Variants in SYCP2 observed in about 807,000 individuals in gnomAD.
The protein encoded by SYCP2 is synaptonemal complex lateral element protein.
SYCP2 carries 55 observed loss-of-function variants against 211.3 expected under a neutral mutation model. The observed-to-expected ratio is 0.26, with a 90% CI of 0.21 to 0.33. The LOEUF (loss-of-function observed/expected upper bound fraction) is 0.33, where lower values mean the gene tolerates loss of function less well. Among genes scored for constraint, SYCP2 ranks in the 10% least tolerant of loss-of-function variants. The pLI is 1.00. For synonymous variants in SYCP2, 570 were observed against 555.2 expected, an observed-to-expected ratio of 1.03 and a Z score of -0.37; for missense variants, 1,731 against 1,752.0, an observed-to-expected ratio of 0.99 and a Z score of 0.21.
At chr20:59,893,486 C>A in intron 21 of SYCP2, 38 bp downstream of exon 21, 1 of 1,364,780 alleles carries the variant, frequency 7.3e-7, no homozygotes, top group Non-Finnish European at 1.0e-6. Flanking sequence ...TATACATTTT[C>A]TTAAAAAAAT....
chr20:59,924,553 C>T (rs76073236), intron 2 of SYCP2, among the ~76,000 whole-genome samples: 3 of 151,888 alleles, frequency 2.0e-5, no homozygotes, highest in Non-Finnish European at 4.4e-5. Flanking sequence ...ACATTGCGTG[C>T]CTGTATCAAA....
chr20:59,891,481 A>C (rs2059903843), intron 24 of SYCP2, among the ~76,000 whole-genome samples: 1 of 151,932 alleles, frequency 6.6e-6, no homozygotes, highest in Non-Finnish European at 1.5e-5. Context: ...AATAGAAGAC[A>C]GTCTCTTCTA....
intron 25 of SYCP2, among the ~76,000 whole-genome samples, 188 bp downstream of exon 25, chr20:59,886,519 A>G (rs1415097350): frequency 6.6e-6 from 1 of 151,978 alleles, no homozygotes; most frequent in Non-Finnish European, 1.5e-5. Context: ...TAGAATGACA[A>G]ATTTCAAATT....
At chr20:59,887,679 T>C (rs2059820109) in intron 24 of SYCP2, among the ~76,000 whole-genome samples, 1 of 151,902 alleles carries the variant, frequency 6.6e-6, no homozygotes, top group Admixed American at 6.6e-5. Flanking sequence ...CTGTACAGAG[T>C]GCTTTGCAGA....
At chr20:59,898,997 G>C (rs2060065363) in intron 18 of SYCP2, among the ~76,000 whole-genome samples, 1 of 152,098 alleles carries the variant, frequency 6.6e-6, no homozygotes, top group Non-Finnish European at 1.5e-5. Flanking sequence ...CAGTCAGTGG[G>C]ATGAACACAG....
chr20:59,925,801 C>T lies in SYCP2; in HGVS notation c.-46-3342G>A, dbSNP rs74377832. Among the ~76,000 whole-genome samples, 191 of 152,072 alleles carry T rather than the reference C, an allele frequency of 1.3e-3. 5 individuals carry two copies. The East Asian group carries it at 0.03, about 24-fold the overall frequency. ...TACTGCTCCCAAATGCATGTAGGTACTATAATTTATTATCAATCTGTTAGA... is the reference window on the plus strand; with the variant it reads ...TACTGCTCCCAAATGCATGTAGGTATTATAATTTATTATCAATCTGTTAGA... On this transcript the variant is annotated intron_variant, in intron 2 of 44. Transcript: ENST00000357552.
At chr20:59,893,347 T>TG (rs1373541871) in intron 21 of SYCP2, 148 bp from the exon 22 acceptor site, 2 of 749,064 alleles carry the variant, frequency 2.7e-6, no homozygotes, top group African/African-American at 3.6e-5. Flanking sequence ...CCCAAACTTC[T>TG]GGGGAACAAA....
chr20:59,923,869 G>GA (rs2060586073), intron 2 of SYCP2, among the ~76,000 whole-genome samples: 1 of 151,622 alleles, frequency 6.6e-6, no homozygotes, highest in African/African-American at 2.4e-5. Flanking sequence ...GAAGAAGAAA[G>GA]AAAAACAGAC....
chr20:59,892,117 G>A lies in SYCP2; in HGVS notation c.2237C>T (p.Ser746Leu). The A allele has an allele frequency of 6.2e-7, 1 of 1,611,884 alleles. No homozygotes were observed. Among genetic ancestry groups the A allele is most frequent in the African/African-American group, 1.3e-5 (1 of 74,856 alleles). ...SLIYRKKYIL[S>L]KDVNTATCDK... ...GCAAGTAGCAGTATTCACATCTTTT[G>A]ACAATATGTATTTCTTCCTATATAT... Residue 746 changes from serine to leucine, a missense_variant, in exon 24 of 45, where the codon TCA (serine) becomes TTA (leucine). Around this residue, in one of 3 missense-constraint regions of SYCP2, gnomAD observed 1,387 missense variants for 1,351.3 expected, o/e 1.03. Coordinates refer to ENST00000357552, the MANE Select transcript of SYCP2 (RefSeq NM_014258.4).
chr20:59,926,716 CA>C (rs1239733762), intron 2 of SYCP2, among the ~76,000 whole-genome samples: 1 of 152,046 alleles, frequency 6.6e-6, no homozygotes, highest in East Asian at 1.9e-4. Flanking sequence ...ATTGGAATGC[CA>C]AAAACATGGG....
chr20:59,897,368 TTAAG>T (rs1180437897), intron 18 of SYCP2, among the ~76,000 whole-genome samples: 1 of 152,174 alleles, frequency 6.6e-6, no homozygotes, highest in African/African-American at 2.4e-5. Context: ...CTTAGAGAAA[TTAAG>T]TTTTTAGTGG....
chr20:59,927,950 T>C (rs575948581), intron 2 of SYCP2, among the ~76,000 whole-genome samples: 2 of 152,266 alleles, frequency 1.3e-5, no homozygotes, highest in South Asian at 4.1e-4. Context: ...TACAGTAAGC[T>C]TTCTCTTCCA....
At chr20:59,875,542 A>G in intron 33 of SYCP2, 73 bp from the exon 34 acceptor site, 1 of 1,119,726 alleles carries the variant, frequency 8.9e-7, no homozygotes, top group South Asian at 1.6e-5. Context: ...AACAAATTAT[A>G]TTCAAATATT....
At position 59,881,950 on chromosome 20, in the gene SYCP2, G is replaced by A. The variant is rs1488105587; in HGVS notation, c.2653C>T (p.Leu885Phe). ...LNGADDPIIK[L>F]GIQEFQATAK... is the part of the protein sequence containing the mutation. ...ATCTTGGTATTTTAGCTTACTCCAA[G>A]TTTTATGATAGGGTCATCAGCTCCA... is the stretch of plus-strand genomic sequence containing the variant. Residue 885 changes from leucine to phenylalanine, a missense_variant, in exon 28 of 45, where the codon CTT becomes TTT. By Grantham distance (22) the Leu-to-Phe change is conservative (BLOSUM62 0). Coordinates refer to ENST00000357552, the MANE Select transcript of SYCP2 (RefSeq NM_014258.4). 1.2e-6 allele frequency: 2 copies of A among 1,611,292 alleles called. No individual in the cohort carries two copies. Among genetic ancestry groups the A allele is most frequent in the Admixed American group, 1.7e-5 (1 of 59,826 alleles).
Position 59,868,534 on chromosome 20 carries a change from A to G in SYCP2, c.3867T>C (p.Tyr1289=), listed in dbSNP as rs1312472860. The part of the protein sequence containing the change: ...PTQHLSRKRI[Y]IEDNLSNSNE... ...TGGAATTACTTAGATTATCTTCTATATATATTCTTTTGCGACTAAGATGTT... is the reference window on the plus strand; with the variant it reads ...TGGAATTACTTAGATTATCTTCTATGTATATTCTTTTGCGACTAAGATGTT... Residue 1289 remains tyrosine (Y), a synonymous_variant, in exon 38 of 45, where the codon TAT becomes TAC. Coordinates refer to ENST00000357552, the MANE Select transcript of SYCP2 (RefSeq NM_014258.4). 4 of 1,607,624 alleles carry G rather than the reference A, an allele frequency of 2.5e-6. No homozygotes were observed. The highest frequency in any genetic ancestry group is 1.3e-5 in the African/African-American group (1 of 74,506).
chr20:59,902,617 G>A (rs1252670470), intron 15 of SYCP2, among the ~76,000 whole-genome samples: 4 of 152,090 alleles, frequency 2.6e-5, no homozygotes, highest in Non-Finnish European at 5.9e-5. Context: ...TGCAGGCCAC[G>A]CCATGATGTG....
At chr20:59,897,517 A>G (rs1001858006) in intron 18 of SYCP2, among the ~76,000 whole-genome samples, 3 of 152,144 alleles carry the variant, frequency 2.0e-5, no homozygotes, top group Non-Finnish European at 4.4e-5. Context: ...GACCTTTCCA[A>G]GAGTTTAAGA....
rs751968345 is a variant in SYCP2, at chr20:59,921,310, C to T, written c.168G>A (p.Arg56=). The T allele has an allele frequency of 1.3e-6, 2 of 1,584,278 alleles. No individual in the cohort carries two copies. The highest frequency in any genetic ancestry group is 1.8e-5 in the Admixed American group (1 of 55,862). Residue 56 remains arginine (R), a splice_region_variant and synonymous_variant, in exon 4 of 45, where the codon AGG becomes AGA. Transcript: ENST00000357552. ...TCATTCAGCAAAAATGAATATTTAC[C>T]CTGCATATAAGGTTGTCCACCTTGT... ...FFHKVDNLIC[R]ELNKEDIHNV...
At chr20:59,896,647 A>T (rs2060013910) in intron 18 of SYCP2, 119 bp from the exon 19 acceptor site, 2 of 578,230 alleles carry the variant, frequency 3.5e-6, no homozygotes. Context: ...TTTTTAAATA[A>T]ACAACACAAT....
Sources: gnomAD v4.1 joint callset for allele counts (sites outside exome capture counted in the v4.1 genomes callset) on GRCh38, gnomAD v4.1.1 for gene constraint, gnomAD v4.1.1 regional missense constraint, MANE v1.5 for transcripts, NCBI Gene and HGNC (gene_info 2026-07-23, HGNC 2026-07-21) for gene names.